Variants in TMEFF2 observed in about 807,000 individuals in gnomAD.
TMEFF2 encodes the protein tomoregulin-2.
TMEFF2 carries 28 observed loss-of-function variants against 53.8 expected under a neutral mutation model. That is an observed-to-expected ratio of 0.52 (90% confidence interval 0.39 to 0.71). The LOEUF (loss-of-function observed/expected upper bound fraction) is 0.71. TMEFF2 is among the 30% of genes least tolerant of loss of function. The pLI is 0.00. For missense variants in TMEFF2, 353 were observed against 455.2 expected, an observed-to-expected ratio of 0.78 and a Z score of 2.04; for synonymous variants, 162 against 166.3, an observed-to-expected ratio of 0.97 and a Z score of 0.20.
chr2:192,041,072 C>G (rs1375984569), intron 5 of TMEFF2, among the ~76,000 whole-genome samples: 1 of 152,102 alleles, frequency 6.6e-6, no homozygotes, highest in Non-Finnish European at 1.5e-5. Context: ...GCAAAACCTT[C>G]TTAGATATAA....
At chr2:192,054,662 C>T (rs1463090884) in intron 5 of TMEFF2, among the ~76,000 whole-genome samples, 2 of 152,132 alleles carry the variant, frequency 1.3e-5, no homozygotes, top group African/African-American at 4.8e-5. Flanking sequence ...TGGAGAGTCA[C>T]TGCAAATATG....
intron 4 of TMEFF2, among the ~76,000 whole-genome samples, chr2:192,081,136 T>C (rs947129714): frequency 2.0e-5 from 3 of 152,162 alleles, no homozygotes; most frequent in African/African-American, 7.2e-5. Flanking sequence ...CACACATAAA[T>C]AAACTGAAAA....
At chr2:191,992,457 A>G (rs774524683) in intron 7 of TMEFF2, among the ~76,000 whole-genome samples, 24 of 152,046 alleles carry the variant, frequency 1.6e-4, no homozygotes, top group Non-Finnish European at 3.2e-4. Flanking sequence ...TCAAGCAAGC[A>G]CCCTATTTAC....
intron 4 of TMEFF2, among the ~76,000 whole-genome samples, chr2:192,100,019 T>G (rs1338470219): frequency 2.6e-5 from 4 of 152,214 alleles, no homozygotes; most frequent in African/African-American, 9.6e-5. Flanking sequence ...TACAGTCCTG[T>G]TCACACTTTT....
chr2:191,949,599 C>T lies in TMEFF2; in HGVS notation c.*712G>A, dbSNP rs1019513283. ...TGTTCAGTAAGTTCAGATATATGCACTTAACTGGGGGATTCTAAGCTACTT... is the reference window on the plus strand; with the variant it reads ...TGTTCAGTAAGTTCAGATATATGCATTTAACTGGGGGATTCTAAGCTACTT... On this transcript the variant is annotated 3_prime_UTR_variant, in exon 10 of 10. Coordinates refer to ENST00000272771, the MANE Select transcript of TMEFF2 (RefSeq NM_016192.4). 3.0e-6 allele frequency: 3 copies of T among 985,274 alleles called. No individual in the cohort carries two copies. In the African/African-American group the frequency reaches 5.2e-5, roughly 17 times the overall value. The allele number at this position is 985,274 out of a possible 1,614,324, so 61.0% of individuals were successfully genotyped here.
intron 4 of TMEFF2, among the ~76,000 whole-genome samples, chr2:192,137,123 G>T (rs571291018): frequency 6.6e-6 from 1 of 152,208 alleles, no homozygotes; most frequent in Non-Finnish European, 1.5e-5. Flanking sequence ...ATTGTAAGAA[G>T]TGGTGTGTAA....
intron 2 of TMEFF2, among the ~76,000 whole-genome samples, chr2:192,190,445 G>A (rs971292754): frequency 6.6e-6 from 1 of 152,074 alleles, no homozygotes; most frequent in Non-Finnish European, 1.5e-5. Flanking sequence ...TAACATTTGG[G>A]TAAGTATGAA....
At position 192,065,965 on chromosome 2, in the gene TMEFF2, G is replaced by A. The variant is rs1688160557; in HGVS notation, c.440-8190C>T. Among the ~76,000 whole-genome samples, 3 of 151,584 alleles carry A rather than the reference G, an allele frequency of 2.0e-5. No individual in the cohort carries two copies. The Admixed American group carries it at 2.0e-4, about 10-fold the overall frequency. ...TGTGAGTAAGTTGTATTTAAATGATGGAAGCTGTTGACAGTTCCTAGAGGC... is the reference window on the plus strand; with the variant it reads ...TGTGAGTAAGTTGTATTTAAATGATAGAAGCTGTTGACAGTTCCTAGAGGC... On this transcript the variant is annotated intron_variant, in intron 4 of 9. Transcript: ENST00000272771.
At chr2:192,084,802 T>C (rs973288293) in intron 4 of TMEFF2, among the ~76,000 whole-genome samples, 3 of 152,194 alleles carry the variant, frequency 2.0e-5, no homozygotes, top group Non-Finnish European at 4.4e-5. Context: ...CACAGGTTGA[T>C]TGTGTTCTTT....
Position 191,958,027 on chromosome 2 carries a change from T to TA in TMEFF2, c.746-1650dup, listed in dbSNP as rs1692159055. Among the ~76,000 whole-genome samples the TA allele has an allele frequency of 2.0e-5, 3 of 152,308 alleles. No individual in the cohort carries two copies. The South Asian group carries it at 6.2e-4, about 32-fold the overall frequency. On this transcript the variant is annotated intron_variant, in intron 7 of 9. Coordinates refer to ENST00000272771, the MANE Select transcript of TMEFF2 (RefSeq NM_016192.4). ...CTGCAGTAAGCAAATACACCAAAAT[T>TA]AAAGTGGGTAGTGTTGGGTGAAATT...
chr2:192,130,887 C>T (rs909362487), intron 4 of TMEFF2, among the ~76,000 whole-genome samples: 2 of 146,724 alleles, frequency 1.4e-5, no homozygotes, highest in Non-Finnish European at 3.0e-5. Flanking sequence ...GGGGTACTTG[C>T]CCCAAAACTC....
intron 5 of TMEFF2, among the ~76,000 whole-genome samples, chr2:192,046,801 G>A (rs1574323274): frequency 6.6e-6 from 1 of 151,920 alleles, no homozygotes; most frequent in East Asian, 1.9e-4. Context: ...TGAAAGTTAA[G>A]TTGCATACTG....
chr2:192,111,591 GA>G, intron 4 of TMEFF2, among the ~76,000 whole-genome samples: 1 of 152,268 alleles, frequency 6.6e-6, no homozygotes, highest in East Asian at 1.9e-4. Flanking sequence ...TATGAAGAAA[GA>G]AAAACCCATT....
At chr2:191,978,671 C>T (rs751060364) in intron 7 of TMEFF2, among the ~76,000 whole-genome samples, 2 of 152,038 alleles carry the variant, frequency 1.3e-5, no homozygotes, top group Non-Finnish European at 2.9e-5. Flanking sequence ...TATATAAGGG[C>T]CAGGGCAGGC....
In TMEFF2 at chr2:191,950,123, G is replaced by C. The variant is rs376767273; in HGVS notation, c.*188C>G. On this transcript the variant is annotated 3_prime_UTR_variant, in exon 10 of 10. Transcript: ENST00000272771. ...ATTTACATTACAGAAAAAACATCAAGACAATGTATACTATTTCAAATATAT... is the reference window on the plus strand; with the variant it reads ...ATTTACATTACAGAAAAAACATCAACACAATGTATACTATTTCAAATATAT... 2 of 1,342,304 alleles carry C rather than the reference G, an allele frequency of 1.5e-6. No homozygotes were observed. Among genetic ancestry groups the C allele is most frequent in the Non-Finnish European group, 1.9e-6 (2 of 1,046,994 alleles). 83.1% of individuals were successfully genotyped at this position (1,342,304 alleles called of 1,614,324 possible).
At chr2:192,007,909 C>A (rs1199214543) in intron 5 of TMEFF2, among the ~76,000 whole-genome samples, 3 of 152,108 alleles carry the variant, frequency 2.0e-5, no homozygotes, top group Non-Finnish European at 4.4e-5. Context: ...AGCACTAAGG[C>A]AAAAATGTCA....
chr2:192,090,134 T>C (rs758154351), intron 4 of TMEFF2, among the ~76,000 whole-genome samples: 1 of 152,212 alleles, frequency 6.6e-6, no homozygotes, highest in Non-Finnish European at 1.5e-5. Flanking sequence ...TCTTGCCTTA[T>C]GAATGATAAA....
At chr2:192,127,825 T>C (rs1689714051) in intron 4 of TMEFF2, among the ~76,000 whole-genome samples, 1 of 152,324 alleles carries the variant, frequency 6.6e-6, no homozygotes, top group Admixed American at 6.5e-5. Context: ...TTAGCAGAAA[T>C]CCTTAAAACT....
At chr2:192,120,301 G>T (rs1479324975) in intron 4 of TMEFF2, among the ~76,000 whole-genome samples, 1 of 152,250 alleles carries the variant, frequency 6.6e-6, no homozygotes, top group Middle Eastern at 3.4e-3. Flanking sequence ...GTTTGTAGAG[G>T]CTGCACACAA....
Sources: gnomAD v4.1 joint callset for allele counts (sites outside exome capture counted in the v4.1 genomes callset) on GRCh38, gnomAD v4.1.1 for gene constraint, MANE v1.5 for transcripts, NCBI Gene and HGNC (gene_info 2026-07-23, HGNC 2026-07-21) for gene names.